SLC2A9: variants seen among roughly 807,000 people sequenced by gnomAD.
SLC2A9 encodes solute carrier family 2, facilitated glucose transporter member 9.
Under a neutral mutation model 50.6 loss-of-function variants are expected in SLC2A9, and 39 were observed. That is an observed-to-expected ratio of 0.77 (90% CI 0.60 to 1.01). The LOEUF (loss-of-function observed/expected upper bound fraction) is 1.01, where lower values mean the gene tolerates loss of function less well. Ranked by LOEUF, SLC2A9 falls within the 50% of genes least tolerant of loss-of-function variation. The pLI, the probability that SLC2A9 is intolerant of heterozygous loss-of-function variation, is 0.00. For synonymous variants in SLC2A9, 324 were observed against 276.9 expected, an observed-to-expected ratio of 1.17 and a Z score of -1.69; for missense variants, 686 against 677.6, an observed-to-expected ratio of 1.01 and a Z score of -0.14.
intron 5 of SLC2A9, among the ~76,000 whole-genome samples, chr4:9,969,586 G>A (rs1753571988): frequency 6.6e-6 from 1 of 152,118 alleles, no homozygotes; most frequent in African/African-American, 2.4e-5. Flanking sequence ...TGATGCTGCT[G>A]ATAAAGACAT....
intron 9 of SLC2A9, among the ~76,000 whole-genome samples, chr4:9,888,465 A>G (rs899109782): frequency 6.6e-6 from 1 of 151,116 alleles, no homozygotes; most frequent in East Asian, 2.0e-4. Context: ...GCTGTCACTC[A>G]TCCGGGGGGT....
intron 5 of SLC2A9, among the ~76,000 whole-genome samples, chr4:9,950,559 C>T (rs1373262116): frequency 1.3e-5 from 2 of 150,206 alleles, no homozygotes; most frequent in African/African-American, 5.0e-5. Context: ...GAGATATCAT[C>T]TCACCCCTGT....
At chr4:9,919,170 C>T (rs77383579) in intron 7 of SLC2A9, among the ~76,000 whole-genome samples, 1,977 of 152,228 alleles carry the variant, frequency 0.013, 33 homozygotes, top group African/African-American at 0.044. Flanking sequence ...GAACAAGCAG[C>T]GCCTCCTTCA....
intron 3 of SLC2A9, among the ~76,000 whole-genome samples, chr4:9,784,351 G>T (rs190741007): frequency 3.3e-5 from 5 of 152,046 alleles, no homozygotes; most frequent in Non-Finnish European, 5.9e-5. Context: ...AGACAGATGC[G>T]ATCAGTTCAT....
chr4:9,869,599 A>T (rs1733081161), intron 10 of SLC2A9, among the ~76,000 whole-genome samples: 1 of 152,156 alleles, frequency 6.6e-6, no homozygotes, highest in Non-Finnish European at 1.5e-5. Context: ...GGCAGATGGG[A>T]TGGCTTGGCA....
rs142035313 is a variant in SLC2A9 at position 9,890,486 on chromosome 4, G to C, written c.1215+124C>G. ...GCTCCAGAGATGAGATGTCCCCGGG[G>C]AGAGCTTTATCACAAGTGTTTTCTG... On this transcript the variant is annotated intron_variant, in intron 9 of 11. Coordinates refer to ENST00000264784, the MANE Select transcript of SLC2A9 (RefSeq NM_020041.3). 6.8e-4 allele frequency: 625 copies of C among 915,074 alleles called. 1 individual carries two copies. The African/African-American group carries it at 9.1e-3, about 13-fold the overall frequency. 56.7% of individuals were successfully genotyped at this position (915,074 alleles called of 1,614,324 possible).
chr4:10,020,974 G>A (rs536313248), intron 1 of SLC2A9, among the ~76,000 whole-genome samples: 133 of 152,338 alleles, frequency 8.7e-4, no homozygotes, highest in Non-Finnish European at 9.0e-4. Context: ...CATGCCCTGG[G>A]GAGGGTGAGA....
chr4:9,812,413 A>C (rs940611003), intron 3 of SLC2A9, among the ~76,000 whole-genome samples: 1 of 152,186 alleles, frequency 6.6e-6, no homozygotes, highest in Non-Finnish European at 1.5e-5. Context: ...GAGAGTGTGA[A>C]TATCCTATCC....
chr4:10,005,277 C>T (rs1760580612), intron 2 of SLC2A9, among the ~76,000 whole-genome samples: 1 of 152,172 alleles, frequency 6.6e-6, no homozygotes, highest in South Asian at 2.1e-4. Flanking sequence ...GCAGAGTTAA[C>T]AGAATTCTTG....
chr4:9,879,795 ATCT>A (rs1290878636), intron 10 of SLC2A9: 12 of 985,294 alleles, frequency 1.2e-5, no homozygotes, highest in African/African-American at 1.7e-5. Context: ...TTTGGCAACG[ATCT>A]TCTTTTTTTA....
At chr4:9,820,801 C>A (rs1044970751) in intron 3 of SLC2A9, among the ~76,000 whole-genome samples, 3 of 152,118 alleles carry the variant, frequency 2.0e-5, no homozygotes, top group Non-Finnish European at 4.4e-5. Context: ...TATTCTGTAA[C>A]CTTGTTAACT....
intron 3 of SLC2A9, among the ~76,000 whole-genome samples, chr4:9,807,978 C>G (rs774072659): frequency 6.6e-5 from 10 of 152,218 alleles, no homozygotes; most frequent in African/African-American, 2.4e-4. Context: ...TGAAATCTCA[C>G]CATGTCTTGC....
At chr4:9,840,066 A>T (rs10031303) in intron 10 of SLC2A9, among the ~76,000 whole-genome samples, 82,183 of 152,044 alleles carry the variant, frequency 0.54, 23,392 homozygotes, top group Non-Finnish European at 0.63. Flanking sequence ...TCCATTTACT[A>T]TACAAAGAAA....
intron 2 of SLC2A9, among the ~76,000 whole-genome samples, chr4:10,004,773 G>C (rs989191684): frequency 6.6e-6 from 1 of 152,246 alleles, no homozygotes; most frequent in African/African-American, 2.4e-5. Flanking sequence ...AGAAGGAGGA[G>C]AGATTTAGGC....
chr4:9,888,577 G>A (rs59142033), intron 9 of SLC2A9, among the ~76,000 whole-genome samples: 344 of 152,052 alleles, frequency 2.3e-3, no homozygotes, highest in African/African-American at 7.4e-3. Context: ...GGGTGCCAGG[G>A]CTGCCCCAGG....
At chr4:9,981,233 T>C (rs796605560) in intron 4 of SLC2A9, among the ~76,000 whole-genome samples, 1 of 1,634 alleles carries the variant, frequency 6.1e-4, no homozygotes, top group Non-Finnish European at 1.3e-3. Context: ...TGGTGATGAC[T>C]GTGATGATGG....
intron 8 of SLC2A9, among the ~76,000 whole-genome samples, chr4:9,900,515 C>A (rs144481303): frequency 1.1e-3 from 170 of 152,156 alleles, no homozygotes; most frequent in African/African-American, 3.7e-3. Flanking sequence ...GCTTCCAGGG[C>A]AAAACCCCAC....
chr4:9,776,428 C>T (rs186932878), downstream of SLC2A9, among the ~76,000 whole-genome samples: 87 of 152,104 alleles, frequency 5.7e-4, 2 homozygotes, highest in Middle Eastern at 0.041. Context: ...CCTGCCACTG[C>T]CCTGAGCCTC....
At chr4:10,039,709 G>A (rs1207195437) in intron 1 of SLC2A9, among the ~76,000 whole-genome samples, 5 of 152,160 alleles carry the variant, frequency 3.3e-5, no homozygotes, top group African/African-American at 1.2e-4. Flanking sequence ...TCAGCCTGCT[G>A]ACTGGTCTCA....
Sources: gnomAD v4.1 joint callset for allele counts (sites outside exome capture counted in the v4.1 genomes callset) on GRCh38, gnomAD v4.1.1 for gene constraint, MANE v1.5 for transcripts, NCBI Gene and HGNC (gene_info 2026-07-23, HGNC 2026-07-21) for gene names.